Variants in COL5A3 observed in about 807,000 individuals in gnomAD.
COL5A3 encodes the protein collagen alpha-3(V) chain.
In COL5A3, 172 loss-of-function variants were observed where a neutral mutation model predicts 250.0. The observed-to-expected ratio is 0.69, with a 90% confidence interval of 0.61 to 0.78. The LOEUF (loss-of-function observed/expected upper bound fraction) is 0.78. Among genes scored for constraint, COL5A3 ranks in the 30% least tolerant of loss-of-function variants. The pLI is 0.00. For synonymous variants in COL5A3, 937 were observed against 900.4 expected (o/e 1.04, Z -0.73); for missense variants, 2,340 against 2,334.4 (o/e 1.00, Z -0.05).
At position 10,009,651 on chromosome 19, in the gene COL5A3, G is replaced by T. The variant is rs1180635604; in HGVS notation, c.88+647C>A. ...CAGGGAGGGAGGGGAGGAGATGGGC[G>T]CTCGCCAATTTGGGGCAGAGGAGGA... On this transcript the variant is annotated intron_variant, in intron 1 of 66. Coordinates refer to ENST00000264828, the MANE Select transcript of COL5A3 (RefSeq NM_015719.4). This position sits in a 1 kb window ranked among gnomAD's most constrained non-coding sequence, Gnocchi z 4.4. Among the ~76,000 whole-genome samples the T allele has an allele frequency of 1.3e-5, 2 of 152,094 alleles. No individual in the cohort carries two copies. Among genetic ancestry groups the T allele is most frequent in the African/African-American group, 4.8e-5 (2 of 41,380 alleles).
intron 54 of COL5A3, among the ~76,000 whole-genome samples, 190 bp downstream of exon 54, chr19:9,970,415 GGGGGCTGTAAGGTGAGT>G (rs2086823272): frequency 1.9e-5 from 2 of 104,176 alleles, no homozygotes; most frequent in African/African-American, 4.4e-5. Flanking sequence ...TGGGGTGAGT[GGGGGCTGTAAGGTGAGT>G]GGGGTCTGTG....
In COL5A3 at chr19:9,967,403, G is replaced by A; in HGVS notation, c.4405-3C>T. 6.7e-7 allele frequency: 1 copy of A among 1,498,692 alleles called. No homozygotes were observed. The highest frequency in any genetic ancestry group is 8.8e-7 in the Non-Finnish European group (1 of 1,132,462). 92.8% of individuals were successfully genotyped at this position (1,498,692 alleles called of 1,614,324 possible). On this transcript the variant is annotated splice_region_variant and splice_polypyrimidine_tract_variant and intron_variant, in intron 61 of 66. Coordinates refer to ENST00000264828, the MANE Select transcript of COL5A3 (RefSeq NM_015719.4). ...TCTCCACGGGGGCCCATGGACCCCT[G>A]TAGGGAGAAGTCACTTGGAGAATGA...
At chr19:10,008,162 G>T (rs764262719) in intron 1 of COL5A3, among the ~76,000 whole-genome samples, 5 of 152,078 alleles carry the variant, frequency 3.3e-5, no homozygotes, top group Non-Finnish European at 7.4e-5. Flanking sequence ...ATCTCAGCCT[G>T]GGGCCCAGGG....
chr19:9,996,809 C>A, intron 11 of COL5A3, 120 bp from the exon 12 acceptor site: 3 of 707,704 alleles, frequency 4.2e-6, no homozygotes, highest in East Asian at 2.8e-5. Flanking sequence ...TGGAGAGAGA[C>A]ACAGAATCAA....
At chr19:9,980,546 G>T in intron 35 of COL5A3, 102 bp downstream of exon 35, 1 of 1,492,770 alleles carries the variant, frequency 6.7e-7, no homozygotes, top group Non-Finnish European at 9.1e-7. Context: ...TCTTACCACT[G>T]CATTATAATG....
Position 9,996,250 on chromosome 19 carries a change from CT to C in COL5A3, c.1434del (p.Gly479AlafsTer23). The C allele has an allele frequency of 1.3e-6, 2 of 1,573,346 alleles. No individual in the cohort carries two copies. The highest frequency in any genetic ancestry group is 1.7e-6 in the Non-Finnish European group (2 of 1,162,408). On this transcript the variant is annotated frameshift_variant, in exon 14 of 67. Transcript: ENST00000264828. LOFTEE classifies it high-confidence loss of function. ...GTGAGCCCCACTGGACCAGGGGGGCCTTTCATAGAGAGCTGGAAAGACAGAG... is the reference window on the plus strand; with the variant it reads ...GTGAGCCCCACTGGACCAGGGGGGCCTTCATAGAGAGCTGGAAAGACAGAG... ...AVLQQTQLSM[K>X]GPPGPVGLTG...
chr19:9,979,092 T>C (rs1449415732), intron 39 of COL5A3, 40 bp downstream of exon 39: 1 of 1,499,906 alleles, frequency 6.7e-7, no homozygotes, highest in Non-Finnish European at 9.0e-7. Context: ...TTGGTTGATC[T>C]TGGATGTTCA....
At chr19:9,985,633 T>C (rs2087088890) in intron 31 of COL5A3, among the ~76,000 whole-genome samples, 1 of 152,118 alleles carries the variant, frequency 6.6e-6, no homozygotes, top group Admixed American at 6.5e-5. Context: ...CTCGAACTCC[T>C]GGGCTCAAGC....
In COL5A3 at chr19:9,971,189, AG is replaced by A; in HGVS notation, c.3828+15del. 1 of 1,548,724 alleles carries A rather than the reference AG, an allele frequency of 6.5e-7. No homozygotes were observed. The highest frequency in any genetic ancestry group is 8.7e-7 in the Non-Finnish European group (1 of 1,153,830). On this transcript the variant is annotated intron_variant, in intron 52 of 66. Transcript: ENST00000264828. The stretch of plus-strand genomic sequence containing the variant: ...ATTAGGAAATATGCCAGGATTGGGG[AG>A]GGGGTCACACTCACTGAAACTCCAG...
At chr19:9,963,566 G>T (rs1356840581) in intron 64 of COL5A3, among the ~76,000 whole-genome samples, 10 of 121,134 alleles carry the variant, frequency 8.3e-5, no homozygotes, top group Admixed American at 5.0e-4. Flanking sequence ...TTTTTTGGGG[G>T]GGGGGGCGGG....
chr19:9,979,702 C>T (rs1333396128), intron 37 of COL5A3, 137 bp downstream of exon 37: 1 of 868,658 alleles, frequency 1.2e-6, no homozygotes, highest in African/African-American at 1.7e-5. Context: ...AGGAGAATTG[C>T]TTGAACCTGG....
At chr19:10,005,440 G>C (rs935366782) in intron 4 of COL5A3, 118 bp downstream of exon 4, 1 of 1,060,596 alleles carries the variant, frequency 9.4e-7, no homozygotes, top group African/African-American at 1.6e-5. Context: ...GCTTCCCTTA[G>C]CTTCCTGGGG....
Position 9,996,075 on chromosome 19 carries a change from T to G in COL5A3, c.1524A>C (p.Glu508Asp). 1.3e-6 allele frequency: 2 copies of G among 1,581,928 alleles called. No homozygotes were observed. The highest frequency in any genetic ancestry group is 1.7e-6 in the Non-Finnish European group (2 of 1,165,004). ...TCTCCACAAGTCTCACCTGTGGCCC[T>G]TCTGCTCCCTCCTCTCCTTTCAGAC... ...HPGLKGEEGA[E>D]GPQGPRGLQG... The change falls in exon 15 of 67, where the codon GAA (glutamate) becomes GAC (aspartate). Residue 508 changes from glutamate to aspartate, a missense_variant. Physicochemically the swap from Glu to Asp is conservative, Grantham distance 45. Coordinates refer to ENST00000264828, the MANE Select transcript of COL5A3 (RefSeq NM_015719.4).
At chr19:9,987,682 C>G (rs2087119305) in intron 27 of COL5A3, among the ~76,000 whole-genome samples, 1 of 151,958 alleles carries the variant, frequency 6.6e-6, no homozygotes, top group Admixed American at 6.6e-5. Context: ...CCTGGGAGCT[C>G]TAGGCTGCAG....
chr19:10,010,488 A>T lies in COL5A3; in HGVS notation c.-103T>A, dbSNP rs942938914. The stretch of plus-strand genomic sequence containing the variant: ...GTCACTCGCGGCGGCCGCTCCTCTC[A>T]GGGTCCGCGGGAAACTGCCCGAGAC... On this transcript the variant is annotated 5_prime_UTR_variant, in exon 1 of 67. Coordinates refer to ENST00000264828, the MANE Select transcript of COL5A3 (RefSeq NM_015719.4). 4 of 737,674 alleles carry T rather than the reference A, an allele frequency of 5.4e-6. No individual in the cohort carries two copies. In the African/African-American group the frequency reaches 5.6e-5, roughly 10 times the overall value. 45.7% of individuals were successfully genotyped at this position (737,674 alleles called of 1,614,324 possible).
At chr19:10,000,631 T>C (rs1358669753) in intron 8 of COL5A3, among the ~76,000 whole-genome samples, 2 of 151,790 alleles carry the variant, frequency 1.3e-5, no homozygotes, top group African/African-American at 4.8e-5. Context: ...AGTCAGATCA[T>C]GTTCCTTCAC....
rs1380430906 is a variant in COL5A3 at position 10,006,057 on chromosome 19, T to A, written c.247+16A>T. On this transcript the variant is annotated intron_variant, in intron 2 of 66. Transcript: ENST00000264828. ...CTCCCTCCGGGGAGGTACCCAGGCC[T>A]CCTACTCCAACTCACCTGGAAAGAG... is the stretch of plus-strand genomic sequence containing the variant. 6.2e-7 allele frequency: 1 copy of A among 1,613,264 alleles called. No homozygotes were observed. Among genetic ancestry groups the A allele is most frequent in the African/African-American group, 1.3e-5 (1 of 74,884 alleles).
intron 39 of COL5A3, 67 bp from the exon 40 acceptor site, chr19:9,979,047 A>G: frequency 2.0e-6 from 3 of 1,474,456 alleles, no homozygotes; most frequent in Non-Finnish European, 2.7e-6. Context: ...TCTGTGACTC[A>G]GGGCCCCCTC....
chr19:10,008,386 G>A (rs1474671447), intron 1 of COL5A3, among the ~76,000 whole-genome samples: 2 of 150,774 alleles, frequency 1.3e-5, no homozygotes, highest in Admixed American at 6.6e-5. Context: ...TTTCACAGCT[G>A]GCATTATGAC....
Sources: allele counts gnomAD v4.1 joint callset (sites outside exome capture counted in the v4.1 genomes callset), GRCh38; gene constraint gnomAD v4.1.1; non-coding constraint Gnocchi (gnomAD v3.1); transcripts MANE v1.5; gene names NCBI Gene and HGNC (gene_info 2026-07-23, HGNC 2026-07-21).